Variants in CYTIP observed in about 807,000 individuals in gnomAD.
CYTIP encodes cytohesin 1 interacting protein.
Under a neutral mutation model 43.8 loss-of-function variants are expected in CYTIP, and 26 were observed. The ratio of observed to expected loss-of-function variants is 0.59; its 90% CI spans 0.44 to 0.82. CYTIP has a LOEUF of 0.82. Ranked by LOEUF, CYTIP falls within the 40% of genes least tolerant of loss-of-function variation. The pLI is 0.00. For missense variants in CYTIP, 426 were observed against 443.1 expected (o/e 0.96, Z 0.35); for synonymous variants, 162 against 162.9 (o/e 0.99, Z 0.04).
At chr2:157,432,996 G>C (rs1685736877) in intron 3 of CYTIP, among the ~76,000 whole-genome samples, 1 of 152,206 alleles carries the variant, frequency 6.6e-6, no homozygotes, top group South Asian at 2.1e-4. Flanking sequence ...GTTGTGGCCT[G>C]ACATAGTTTT....
intron 6 of CYTIP, among the ~76,000 whole-genome samples, chr2:157,422,313 T>TA (rs1456817151): frequency 6.6e-6 from 1 of 152,040 alleles, no homozygotes; most frequent in Non-Finnish European, 1.5e-5. Context: ...TGTTTAATGA[T>TA]AAAAAAGATA....
rs112794298 is a variant in CYTIP at position 157,443,877 on chromosome 2, C to G, written c.144G>C (p.Thr48=). ...DNRRIQMLAD[T]VATLPRGRKQ... is the part of the protein sequence containing the mutation. ...TTCGTCCCCGAGGCAGAGTAGCCAC[C>G]GTGTCTGCTAGCATTTGAATCCTTC... The change falls in exon 1 of 8, where the codon ACG becomes ACC. Residue 48 remains threonine, a synonymous_variant. Transcript: ENST00000264192. The G allele has an allele frequency of 2.5e-6, 4 of 1,614,080 alleles. No individual in the cohort carries two copies. Among genetic ancestry groups the G allele is most frequent in the Non-Finnish European group, 3.4e-6 (4 of 1,179,970 alleles).
At chr2:157,430,143 A>C (rs155611) in intron 5 of CYTIP, among the ~76,000 whole-genome samples, 1 of 152,030 alleles carries the variant, frequency 6.6e-6, no homozygotes, top group Non-Finnish European at 1.5e-5. Flanking sequence ...ACTAGAAGAG[A>C]AAAACAGGTG....
At chr2:157,430,806 T>G in intron 4 of CYTIP, 54 bp downstream of exon 4, 1 of 1,530,376 alleles carries the variant, frequency 6.5e-7, no homozygotes, top group Admixed American at 1.9e-5. Flanking sequence ...TCTCAAAACA[T>G]TTTATTTTCT....
chr2:157,435,617 G>A (rs1457462394), intron 1 of CYTIP, among the ~76,000 whole-genome samples: 2 of 152,002 alleles, frequency 1.3e-5, no homozygotes, highest in Admixed American at 1.3e-4. Context: ...AGGTTTTTGT[G>A]TTTTTTTGGT....
At chr2:157,438,760 C>G (rs1685856327) in intron 1 of CYTIP, 2 of 155,252 alleles carry the variant, frequency 1.3e-5, no homozygotes, top group South Asian at 3.6e-4. Flanking sequence ...ACAAGAAATG[C>G]AGAAAAAGTA....
At chr2:157,417,935 T>C (rs1323072174) in intron 7 of CYTIP, among the ~76,000 whole-genome samples, 1 of 152,240 alleles carries the variant, frequency 6.6e-6, no homozygotes, top group Non-Finnish European at 1.5e-5. Context: ...ACATCTATCA[T>C]ACAACAAATA....
At chr2:157,426,676 AAC>A (rs1685612791) in intron 6 of CYTIP, among the ~76,000 whole-genome samples, 1 of 152,178 alleles carries the variant, frequency 6.6e-6, no homozygotes, top group Admixed American at 6.5e-5. Context: ...CACTGAGACA[AAC>A]AGAGAGGTCT....
chr2:157,414,662 T>C lies in CYTIP; in HGVS notation c.*1015A>G, dbSNP rs1384507575. 6.6e-6 allele frequency: 1 copy of C among 151,626 alleles called. No individual in the cohort carries two copies. The highest frequency in any genetic ancestry group is 1.5e-5 in the Non-Finnish European group (1 of 67,950). The allele number at this position is 151,626 out of a possible 1,614,324, so 9.4% of individuals were successfully genotyped here. A position where few individuals can be genotyped will look rare whatever the true frequency, so the allele number is the denominator to read the frequency against. ...TTATTACATAGTCCAGATTGTCTAC[T>C]CTAGAATATAGGTTATGAATAGCTG... is the stretch of plus-strand genomic sequence containing the variant. On this transcript the variant is annotated 3_prime_UTR_variant, in exon 8 of 8. Coordinates refer to ENST00000264192, the MANE Select transcript of CYTIP (RefSeq NM_004288.5).
At chr2:157,426,809 T>C (rs1685615505) in intron 6 of CYTIP, among the ~76,000 whole-genome samples, 1 of 152,204 alleles carries the variant, frequency 6.6e-6, no homozygotes, top group South Asian at 2.1e-4. Flanking sequence ...GAATTTTCAA[T>C]GGACCTCCTG....
In CYTIP at chr2:157,415,049, A is replaced by T. The variant is rs1245182043; in HGVS notation, c.*628T>A. ...GACTGTCTATAAAAATGACTTTATT[A>T]TGATCTTTGCAGCACCCATCTCAGA... On this transcript the variant is annotated 3_prime_UTR_variant, in exon 8 of 8. Coordinates refer to ENST00000264192, the MANE Select transcript of CYTIP (RefSeq NM_004288.5). The T allele has an allele frequency of 2.6e-5, 4 of 152,220 alleles. No individual in the cohort carries two copies. Among genetic ancestry groups the T allele is most frequent in the Non-Finnish European group, 5.9e-5 (4 of 68,052 alleles). 9.4% of individuals were successfully genotyped at this position (152,220 alleles called of 1,614,324 possible).
intron 6 of CYTIP, among the ~76,000 whole-genome samples, chr2:157,427,002 C>T (rs903221580): frequency 2.0e-5 from 3 of 152,116 alleles, no homozygotes; most frequent in South Asian, 4.2e-4. Flanking sequence ...CCAGGCCCTC[C>T]AACACACTTG....
At chr2:157,418,891 G>A (rs1476452775) in intron 6 of CYTIP, among the ~76,000 whole-genome samples, 3 of 152,042 alleles carry the variant, frequency 2.0e-5, no homozygotes, top group Non-Finnish European at 2.9e-5. Flanking sequence ...TTGTGAAAAC[G>A]TACTTGCTGT....
At chr2:157,441,172 C>T (rs988164004) in intron 1 of CYTIP, among the ~76,000 whole-genome samples, 4 of 152,160 alleles carry the variant, frequency 2.6e-5, no homozygotes, top group African/African-American at 4.8e-5. Context: ...GAGCTGTTGA[C>T]GTCAGCCCTG....
rs117488425 is a variant in CYTIP, at chr2:157,415,708, C to T, written c.1049G>A (p.Arg350His). 702 of 1,612,502 alleles carry T rather than the reference C, an allele frequency of 4.4e-4. 5 individuals carry two copies. In the East Asian group the frequency reaches 9.0e-3, roughly 21 times the overall value. The change falls in exon 8 of 8, where the codon CGT becomes CAT. Residue 350 changes from arginine (R) to histidine (H), a missense_variant. By Grantham distance (29) the Arg-to-His change is conservative. Coordinates refer to ENST00000264192, the MANE Select transcript of CYTIP (RefSeq NM_004288.5). ...GCGACTTTCTTCCTCTTCCACAGCACGATGAAGGCCAGGGATAAATTTCAA... is the reference window on the plus strand; with the variant it reads ...GCGACTTTCTTCCTCTTCCACAGCATGATGAAGGCCAGGGATAAATTTCAA... ...QLLKFIPGLHRAVEEEESRF is the reference protein window; with the variant it reads ...QLLKFIPGLHHAVEEEESRF
At chr2:157,418,493 T>C (rs1685472354) in intron 7 of CYTIP, 30 bp downstream of exon 7, 2 of 1,564,466 alleles carry the variant, frequency 1.3e-6, no homozygotes, top group Admixed American at 2.0e-5. Flanking sequence ...GTAATGTTAG[T>C]GTGGTTTCTG....
intron 3 of CYTIP, among the ~76,000 whole-genome samples, chr2:157,432,603 A>G (rs1685729319): frequency 6.6e-6 from 1 of 152,186 alleles, no homozygotes; most frequent in Non-Finnish European, 1.5e-5. Context: ...GCATGAGTCC[A>G]AAGTCTGCAT....
chr2:157,442,468 C>T (rs1231542726), intron 1 of CYTIP, among the ~76,000 whole-genome samples: 5 of 59,246 alleles, frequency 8.4e-5, no homozygotes, highest in Non-Finnish European at 1.6e-4. Context: ...CCCACAGTCT[C>T]CAGCAAAAAA....
chr2:157,426,909 A>G (rs1685619546), intron 6 of CYTIP, among the ~76,000 whole-genome samples: 2 of 152,230 alleles, frequency 1.3e-5, no homozygotes, highest in South Asian at 4.1e-4. Context: ...GGACAGTCAC[A>G]GGATTAGACG....
Sources: allele counts gnomAD v4.1 joint callset (sites outside exome capture counted in the v4.1 genomes callset), GRCh38; gene constraint gnomAD v4.1.1; transcripts MANE v1.5; gene names NCBI Gene and HGNC (gene_info 2026-07-23, HGNC 2026-07-21).